DNMT3A: variants seen among roughly 807,000 people sequenced by gnomAD.
DNMT3A encodes DNA (cytosine-5)-methyltransferase 3A.
Under a neutral mutation model 117.6 loss-of-function variants are expected in DNMT3A, and 267 were observed. That is an observed-to-expected ratio of 2.27 (90% confidence interval 2.05 to 2.51). The LOEUF is 2.51. Ranked by LOEUF, DNMT3A falls within the 30% of genes most tolerant of loss-of-function variation. The pLI is 0.00. For missense variants in DNMT3A, 1,029 were observed against 1,260.2 expected, an observed-to-expected ratio of 0.82 and a Z score of 2.78; for synonymous variants, 432 against 474.8, an observed-to-expected ratio of 0.91 and a Z score of 1.17.
At chr2:25,292,696 T>TC (rs1239174454) in intron 3 of DNMT3A, among the ~76,000 whole-genome samples, 1 of 152,140 alleles carries the variant, frequency 6.6e-6, no homozygotes, top group African/African-American at 2.4e-5. Flanking sequence ...AGCCTTGCCT[T>TC]CCCCTTGATC....
intron 6 of DNMT3A, among the ~76,000 whole-genome samples, chr2:25,263,045 C>T (rs1558688998): frequency 6.6e-6 from 1 of 152,196 alleles, no homozygotes; most frequent in East Asian, 1.9e-4. Flanking sequence ...ACTGCAGCCT[C>T]GACCTCAGCC....
chr2:25,305,138 C>T lies in DNMT3A; in HGVS notation c.73-4895G>A, dbSNP rs922243112. On this transcript the variant is annotated intron_variant, in intron 2 of 22. Coordinates refer to ENST00000321117, the MANE Select transcript of DNMT3A (RefSeq NM_022552.5). The surrounding 1 kb of genome is among the most constrained non-coding windows in gnomAD (Gnocchi z 4.1). The stretch of plus-strand genomic sequence containing the variant: ...AGAGACACACGTACAAATCTACAAA[C>T]CCGTACAAATACAACTGTGTACGAG... Among the ~76,000 whole-genome samples the T allele has an allele frequency of 6.6e-6, 1 of 152,236 alleles. No homozygotes were observed. Among genetic ancestry groups the T allele is most frequent in the African/African-American group, 2.4e-5 (1 of 41,464 alleles).
intron 6 of DNMT3A, among the ~76,000 whole-genome samples, chr2:25,267,878 G>A (rs943086756): frequency 6.6e-6 from 1 of 152,190 alleles, no homozygotes; most frequent in African/African-American, 2.4e-5. Flanking sequence ...ACAAGCTGGC[G>A]AGTGCTGCTG....
rs1219565252 is a variant in DNMT3A at position 25,296,983 on chromosome 2, A to T, written c.177+3156T>A. On this transcript the variant is annotated intron_variant, in intron 3 of 22. Transcript: ENST00000321117. The surrounding 1 kb of genome is among the most constrained non-coding windows in gnomAD (Gnocchi z 4.2). Reference sequence around the variant, plus strand: ...TGAGCCAAGCTCCTTCCCCAGGCTTAGCTGGATGACACACTCAGCTGCTTT... The same window carrying T: ...TGAGCCAAGCTCCTTCCCCAGGCTTTGCTGGATGACACACTCAGCTGCTTT... Among the ~76,000 whole-genome samples, 1 of 152,156 alleles carries T rather than the reference A, an allele frequency of 6.6e-6. No individual in the cohort carries two copies. The highest frequency in any genetic ancestry group is 1.9e-4 in the East Asian group (1 of 5,178).
Position 25,326,199 on chromosome 2 carries a change from C to T in DNMT3A, c.-177-12038G>A, listed in dbSNP as rs1015319681. Reference sequence around the variant, plus strand: ...CATTTTCTTCTTTTTTTCTCCTTCCCATTCTTTTCTATACAAGTTGTTGAC... The same window carrying T: ...CATTTTCTTCTTTTTTTCTCCTTCCTATTCTTTTCTATACAAGTTGTTGAC... On this transcript the variant is annotated intron_variant, in intron 1 of 22. Transcript: ENST00000321117. Among the ~76,000 whole-genome samples the T allele has an allele frequency of 2.7e-5, 4 of 150,200 alleles. No individual in the cohort carries two copies. The South Asian group carries it at 8.4e-4, about 32-fold the overall frequency.
chr2:25,247,332 G>A lies in DNMT3A; in HGVS notation c.1015-174C>T. Reference sequence around the variant, plus strand: ...AAGAGGAGTCCAGACCAAGAGTAGGGAAGTACCTGAGTGCAGGTGGAAAGG... The same window carrying A: ...AAGAGGAGTCCAGACCAAGAGTAGGAAAGTACCTGAGTGCAGGTGGAAAGG... On this transcript the variant is annotated intron_variant, in intron 8 of 22. Coordinates refer to ENST00000321117, the MANE Select transcript of DNMT3A (RefSeq NM_022552.5). The surrounding 1 kb of genome is among the most constrained non-coding windows in gnomAD (Gnocchi z 5.6). 1 of 775,528 alleles carries A rather than the reference G, an allele frequency of 1.3e-6. No homozygotes were observed. The highest frequency in any genetic ancestry group is 2.1e-6 in the Non-Finnish European group (1 of 486,068). 48.0% of individuals were successfully genotyped at this position (775,528 alleles called of 1,614,324 possible). A position where few individuals can be genotyped will look rare whatever the true frequency, so the allele number is the denominator to read the frequency against.
At chr2:25,333,416 A>C (rs1573511414) in intron 1 of DNMT3A, among the ~76,000 whole-genome samples, 1 of 147,256 alleles carries the variant, frequency 6.8e-6, no homozygotes. Context: ...TGCAACCTCC[A>C]CCTCCCGGGT....
intron 2 of DNMT3A, among the ~76,000 whole-genome samples, chr2:25,309,991 G>C (rs1165555649): frequency 6.6e-6 from 1 of 152,192 alleles, no homozygotes; most frequent in African/African-American, 2.4e-5. Context: ...GGGAGGCAGA[G>C]CTTGCAGTGA....
intron 2 of DNMT3A, among the ~76,000 whole-genome samples, chr2:25,303,398 C>T (rs769902298): frequency 5.9e-5 from 9 of 152,246 alleles, no homozygotes; most frequent in African/African-American, 1.4e-4. Flanking sequence ...ACCTACACCA[C>T]GTGTGCAGGG....
chr2:25,241,805 A>G (rs770782223), intron 16 of DNMT3A, 98 bp from the exon 17 acceptor site: 293 of 1,489,802 alleles, frequency 2.0e-4, no homozygotes, highest in Non-Finnish European at 2.4e-4. Context: ...CCATGGGGTC[A>G]GCTGTAGGCC....
chr2:25,248,148 C>T lies in DNMT3A; in HGVS notation c.744G>A (p.Gln248=), dbSNP rs2149311027. The change falls in exon 7 of 23, where the codon CAG becomes CAA. Residue 248 remains glutamine, a synonymous_variant. Coordinates refer to ENST00000321117, the MANE Select transcript of DNMT3A (RefSeq NM_022552.5). The stretch of plus-strand genomic sequence containing the variant: ...TGGGGGATGCGGGGTCAGTGGGCTG[C>T]TGCACAGCAGGAGGGCTGGCCTCCT... ...KVEEASPPAV[Q]QPTDPASPTV... 1 of 1,613,858 alleles carries T rather than the reference C, an allele frequency of 6.2e-7. No homozygotes were observed. The highest frequency in any genetic ancestry group is 8.5e-7 in the Non-Finnish European group (1 of 1,179,976).
At chr2:25,297,881 C>G (rs932067090) in intron 3 of DNMT3A, among the ~76,000 whole-genome samples, 1 of 152,190 alleles carries the variant, frequency 6.6e-6, no homozygotes, top group Non-Finnish European at 1.5e-5. Flanking sequence ...GTTTTACTGG[C>G]AGCCATATTT....
chr2:25,261,193 C>T (rs1285340569), intron 6 of DNMT3A, among the ~76,000 whole-genome samples: 1 of 151,846 alleles, frequency 6.6e-6, no homozygotes, highest in East Asian at 1.9e-4. Context: ...AATCCCAGCA[C>T]TTTGGGAGGC....
chr2:25,327,336 C>T lies in DNMT3A; in HGVS notation c.-177-13175G>A, dbSNP rs999732844. ...CGGCCCCAAAGGGCTTTTTTCCATC[C>T]TCATGGCCCTTGAGCTCAATTCAAC... is the stretch of plus-strand genomic sequence containing the variant. On this transcript the variant is annotated intron_variant, in intron 1 of 22. Coordinates refer to ENST00000321117, the MANE Select transcript of DNMT3A (RefSeq NM_022552.5). This position sits in a 1 kb window ranked among gnomAD's most constrained non-coding sequence, Gnocchi z 4.1. Among the ~76,000 whole-genome samples the T allele has an allele frequency of 2.0e-5, 3 of 152,142 alleles. No homozygotes were observed. Among genetic ancestry groups the T allele is most frequent in the African/African-American group, 7.2e-5 (3 of 41,410 alleles).
chr2:25,275,248 T>C (rs1331584995), intron 5 of DNMT3A, among the ~76,000 whole-genome samples, 161 bp from the exon 6 acceptor site: 2 of 151,424 alleles, frequency 1.3e-5, no homozygotes. Context: ...GCGAGGGGCA[T>C]GTGTGGCGGG....
intron 6 of DNMT3A, among the ~76,000 whole-genome samples, chr2:25,270,330 G>A (rs2030757129): frequency 6.6e-6 from 1 of 152,160 alleles, no homozygotes; most frequent in Non-Finnish European, 1.5e-5. Context: ...CCCATTCAGG[G>A]CAGCTCTTTC....
In DNMT3A at chr2:25,248,201, G is replaced by A; in HGVS notation, c.691C>T (p.Gln231Ter). 3.1e-6 allele frequency: 5 copies of A among 1,612,908 alleles called. No individual in the cohort carries two copies. The highest frequency in any genetic ancestry group is 4.2e-6 in the Non-Finnish European group (5 of 1,179,706). ...ACCTTCTGAGACTCCCCGGGCCCCT[G>A]GTTTTCTTCCACAGCATTCATTCCT... The part of the protein sequence containing the change: ...IAGMNAVEEN[Q>*]GPGESQKVEE... Residue 231 changes from glutamine (Q) to a stop codon, truncating the protein, a stop_gained, in exon 7 of 23, where the codon CAG becomes TAG. Coordinates refer to ENST00000321117, the MANE Select transcript of DNMT3A (RefSeq NM_022552.5). LOFTEE classifies it high-confidence loss of function.
intron 5 of DNMT3A, 90 bp downstream of exon 5, chr2:25,275,410 G>GTCC: frequency 6.9e-7 from 1 of 1,451,160 alleles, no homozygotes; most frequent in Non-Finnish European, 9.4e-7. Context: ...AGGAGGAGGG[G>GTCC]CCCACCCTCC....
chr2:25,253,537 C>A (rs1675839386), intron 6 of DNMT3A, among the ~76,000 whole-genome samples: 1 of 151,992 alleles, frequency 6.6e-6, no homozygotes, highest in Admixed American at 6.5e-5. Flanking sequence ...AGGGAGGAGA[C>A]CCTCGCCCAC....
Sources: gnomAD v4.1 joint callset for allele counts (sites outside exome capture counted in the v4.1 genomes callset) on GRCh38, gnomAD v4.1.1 for gene constraint, Gnocchi (gnomAD v3.1) non-coding constraint, MANE v1.5 for transcripts, NCBI Gene and HGNC (gene_info 2026-07-23, HGNC 2026-07-21) for gene names.